The following LRBA variants were observed in gnomAD, a reference collection of about 807,000 sequenced individuals.
LRBA encodes LPS responsive beige-like anchor protein.
LRBA carries 176 observed loss-of-function variants against 330.0 expected under a neutral mutation model. The observed-to-expected ratio is 0.53, with a 90% CI of 0.47 to 0.60. LRBA has a LOEUF of 0.60. LRBA is among the 20% of genes least tolerant of loss of function. LRBA has a pLI of 0.00. For missense variants in LRBA, 3,259 were observed against 3,444.8 expected, an observed-to-expected ratio of 0.95 and a Z score of 1.35; for synonymous variants, 1,230 against 1,193.0, an observed-to-expected ratio of 1.03 and a Z score of -0.64.
intron 37 of LRBA, among the ~76,000 whole-genome samples, chr4:150,652,088 G>A (rs960973265): frequency 1.3e-5 from 2 of 152,050 alleles, no homozygotes; most frequent in African/African-American, 2.4e-5. Context: ...CAGCTGACTC[G>A]GCCTCCCAAA....
At chr4:150,574,808 T>A (rs1487850650) in intron 40 of LRBA, among the ~76,000 whole-genome samples, 3 of 152,050 alleles carry the variant, frequency 2.0e-5, no homozygotes, top group Non-Finnish European at 2.9e-5. Context: ...ATGGTTGGAA[T>A]CCTTTACTGA....
At chr4:150,646,996 T>C (rs1184077553) in intron 37 of LRBA, among the ~76,000 whole-genome samples, 3 of 152,104 alleles carry the variant, frequency 2.0e-5, no homozygotes, top group Admixed American at 2.0e-4. Flanking sequence ...GCATAGACAG[T>C]AGTGATTAAC....
chr4:150,593,775 C>T (rs144893692), intron 38 of LRBA, among the ~76,000 whole-genome samples: 1 of 152,042 alleles, frequency 6.6e-6, no homozygotes, highest in African/African-American at 2.4e-5. Context: ...CTAAAGTACA[C>T]CAAGCTTATG....
chr4:150,723,214 C>T (rs1449063616), intron 36 of LRBA, among the ~76,000 whole-genome samples: 1 of 152,172 alleles, frequency 6.6e-6, no homozygotes. Context: ...TAGAGACACA[C>T]CAGCTTGCGT....
At chr4:150,905,493 CT>C (rs1731224761) in intron 13 of LRBA, among the ~76,000 whole-genome samples, 1 of 151,922 alleles carries the variant, frequency 6.6e-6, no homozygotes, top group Non-Finnish European at 1.5e-5. Context: ...AACTGTCTAA[CT>C]TTGATTTATA....
chr4:150,658,506 TCTCC>T (rs1269330133), intron 37 of LRBA, among the ~76,000 whole-genome samples: 48 of 280 alleles, frequency 0.17, 9 homozygotes, highest in East Asian at 0.5. Flanking sequence ...AAAATAAAAG[TCTCC>T]CTCTCCCTCT....
At chr4:150,494,437 G>T (rs947329338) in intron 40 of LRBA, among the ~76,000 whole-genome samples, 11 of 152,140 alleles carry the variant, frequency 7.2e-5, no homozygotes, top group Non-Finnish European at 1.6e-4. Flanking sequence ...AAGACCTGTT[G>T]CCCATAATAG....
At position 150,830,726 on chromosome 4, in the gene LRBA, C is replaced by T. The variant is rs116961282; in HGVS notation, c.4729+1091G>A. 4.1e-4 allele frequency among the ~76,000 whole-genome samples: 62 copies of T among 150,386 alleles called. No individual in the cohort carries two copies. In the East Asian group the frequency reaches 9.6e-3, roughly 23 times the overall value. On this transcript the variant is annotated intron_variant, in intron 29 of 56. Coordinates refer to ENST00000651943, the MANE Select transcript of LRBA (RefSeq NM_001364905.1). ...AAACACTGATTATCCTTGCCCTCTACGCTATATCCTCTACACAGAATACAG... is the reference window on the plus strand; with the variant it reads ...AAACACTGATTATCCTTGCCCTCTATGCTATATCCTCTACACAGAATACAG...
intron 2 of LRBA, among the ~76,000 whole-genome samples, chr4:150,937,025 G>T (rs956195075): frequency 2.6e-5 from 4 of 151,864 alleles, no homozygotes; most frequent in African/African-American, 7.3e-5. Context: ...ATAGATTTTT[G>T]AAAGTAATTT....
chr4:150,636,893 C>T (rs1777977484), intron 37 of LRBA, among the ~76,000 whole-genome samples: 2 of 152,258 alleles, frequency 1.3e-5, no homozygotes, highest in African/African-American at 4.8e-5. Flanking sequence ...AAGCAATCCT[C>T]CACCTCTGCC....
intron 37 of LRBA, among the ~76,000 whole-genome samples, chr4:150,680,432 G>C (rs1308529252): frequency 6.6e-6 from 1 of 152,184 alleles, no homozygotes; most frequent in Non-Finnish European, 1.5e-5. Context: ...ATTCAGGCAG[G>C]TCACTAGGTG....
intron 29 of LRBA, among the ~76,000 whole-genome samples, chr4:150,830,355 T>C (rs937870360): frequency 6.6e-6 from 1 of 152,142 alleles, no homozygotes. Flanking sequence ...GGAAAGAACA[T>C]GTAGAGAGAC....
At chr4:150,690,226 G>T (rs973383350) in intron 36 of LRBA, among the ~76,000 whole-genome samples, 1 of 151,974 alleles carries the variant, frequency 6.6e-6, no homozygotes, top group Non-Finnish European at 1.5e-5. Context: ...AAGGTAGGCC[G>T]GGCGCTGTGG....
intron 40 of LRBA, among the ~76,000 whole-genome samples, chr4:150,525,274 T>C (rs904261731): frequency 6.6e-6 from 1 of 150,660 alleles, no homozygotes; most frequent in African/African-American, 2.5e-5. Context: ...TGACATGCTC[T>C]GGCTTTTTTT....
At chr4:150,444,626 C>T (rs1172120934) in intron 44 of LRBA, among the ~76,000 whole-genome samples, 6 of 152,158 alleles carry the variant, frequency 3.9e-5, no homozygotes, top group African/African-American at 1.2e-4. Context: ...ATTTCATCAG[C>T]ACACCACCGT....
intron 2 of LRBA, among the ~76,000 whole-genome samples, chr4:151,010,183 T>A (rs995165398): frequency 3.3e-5 from 5 of 152,056 alleles, no homozygotes; most frequent in Admixed American, 1.3e-4. Context: ...TTAACAAAAA[T>A]TTTTTAAAAA....
intron 2 of LRBA, among the ~76,000 whole-genome samples, chr4:151,009,010 T>C (rs1430848436): frequency 3.2e-5 from 1 of 31,404 alleles, no homozygotes; most frequent in African/African-American, 8.9e-5. Context: ...TATATATATA[T>C]ATATATATAT....
intron 37 of LRBA, among the ~76,000 whole-genome samples, chr4:150,661,174 TA>T (rs1024749695): frequency 6.7e-5 from 10 of 148,736 alleles, no homozygotes; most frequent in African/African-American, 2.2e-4. Flanking sequence ...TTTGACTATG[TA>T]AAAAGCAAAC....
intron 37 of LRBA, among the ~76,000 whole-genome samples, chr4:150,603,175 G>T (rs1442684037): frequency 6.6e-6 from 1 of 152,134 alleles, no homozygotes; most frequent in Non-Finnish European, 1.5e-5. Flanking sequence ...GCTCCTCTTA[G>T]GACACAATCT....
Sources: allele counts gnomAD v4.1 joint callset (sites outside exome capture counted in the v4.1 genomes callset), GRCh38; gene constraint gnomAD v4.1.1; transcripts MANE v1.5; gene names NCBI Gene and HGNC (gene_info 2026-07-23, HGNC 2026-07-21).